Variants in PALM2AKAP2 observed in about 807,000 individuals in gnomAD.
PALM2AKAP2 encodes the protein PALM2 and AKAP2 fusion, also known as PALM2-AKAP2 fusion protein.
A neutral mutation model predicts 71.5 loss-of-function variants in PALM2AKAP2; 37 were observed. The ratio of observed to expected loss-of-function variants is 0.52; its 90% CI spans 0.40 to 0.68. The LOEUF (loss-of-function observed/expected upper bound fraction) is 0.68, where lower values mean the gene tolerates loss of function less well. Ranked by LOEUF, PALM2AKAP2 falls within the 30% of genes least tolerant of loss-of-function variation. The pLI is 0.00. For synonymous variants in PALM2AKAP2, 468 were observed against 478.8 expected (o/e 0.98, Z 0.29); for missense variants, 1,224 against 1,191.8 (o/e 1.03, Z -0.40).
chr9:109,930,462 G>A (rs1831069770), intron 5 of PALM2AKAP2, among the ~76,000 whole-genome samples: 1 of 152,206 alleles, frequency 6.6e-6, no homozygotes, highest in African/African-American at 2.4e-5. Flanking sequence ...CTGACCTCAG[G>A]TGATCCACCC....
chr9:109,954,360 T>A (rs1335542114), intron 6 of PALM2AKAP2, among the ~76,000 whole-genome samples: 2 of 152,080 alleles, frequency 1.3e-5, no homozygotes. Context: ...GACCACATCA[T>A]CTCCCCAGCA....
intron 1 of PALM2AKAP2, among the ~76,000 whole-genome samples, chr9:109,786,202 A>C (rs1472224554): frequency 1.3e-5 from 2 of 152,208 alleles, no homozygotes; most frequent in African/African-American, 2.4e-5. Flanking sequence ...GTGGCCAAGG[A>C]GGCCACCACC....
intron 1 of PALM2AKAP2, among the ~76,000 whole-genome samples, chr9:109,803,905 G>C (rs1587922733): frequency 6.6e-6 from 1 of 152,268 alleles, no homozygotes; most frequent in East Asian, 1.9e-4. Context: ...ATATTCCTTG[G>C]AGCTTGGGAG....
chr9:109,843,140 C>CAAAAAAAAAAAAA (rs60510582), intron 1 of PALM2AKAP2, among the ~76,000 whole-genome samples: 1 of 62,846 alleles, frequency 1.6e-5, no homozygotes, highest in Non-Finnish European at 2.7e-5. Context: ...AACTCGGTCT[C>CAAAAAAAAAAAAA]AAAAAAAAAA....
intron 1 of PALM2AKAP2, among the ~76,000 whole-genome samples, chr9:110,074,658 T>G (rs183982360): frequency 6.6e-6 from 1 of 152,236 alleles, no homozygotes; most frequent in Admixed American, 6.5e-5. Flanking sequence ...CACACGCACA[T>G]ACACATACCA....
intron 6 of PALM2AKAP2, among the ~76,000 whole-genome samples, chr9:109,940,006 A>G (rs1251963559): frequency 6.6e-6 from 1 of 152,250 alleles, no homozygotes; most frequent in Non-Finnish European, 1.5e-5. Flanking sequence ...ATTTTTTCAA[A>G]CAAGTTCAAA....
intron 1 of PALM2AKAP2, among the ~76,000 whole-genome samples, chr9:109,863,437 G>T (rs1021521656): frequency 1.3e-5 from 2 of 152,162 alleles, no homozygotes; most frequent in East Asian, 3.8e-4. Flanking sequence ...AGAGGGTGGG[G>T]GATTGCTTGA....
chr9:109,734,121 T>A (rs1005346136), intron 1 of PALM2AKAP2, among the ~76,000 whole-genome samples: 1 of 152,180 alleles, frequency 6.6e-6, no homozygotes, highest in African/African-American at 2.4e-5. Context: ...CTTGGCAGAG[T>A]CTACAGTCCA....
intron 3 of PALM2AKAP2, among the ~76,000 whole-genome samples, chr9:109,917,738 C>G (rs1830727167): frequency 6.6e-6 from 1 of 152,148 alleles, no homozygotes; most frequent in Non-Finnish European, 1.5e-5. Flanking sequence ...AAGCAATCCT[C>G]CAGCCTCAGT....
chr9:109,989,812 G>A (rs1832442656), intron 6 of PALM2AKAP2, among the ~76,000 whole-genome samples: 1 of 152,154 alleles, frequency 6.6e-6, no homozygotes. Context: ...TGTCATAGAT[G>A]GCTGCCCCCT....
At chr9:110,047,036 A>G (rs1454872454), upstream of PALM2AKAP2, among the ~76,000 whole-genome samples, 2 of 152,242 alleles carry the variant, frequency 1.3e-5, no homozygotes, top group Admixed American at 6.5e-5. Flanking sequence ...GCATCCAAGC[A>G]TTTAATTCCT....
chr9:109,674,949 A>G (rs1827627960), intron 1 of PALM2AKAP2, among the ~76,000 whole-genome samples: 1 of 152,054 alleles, frequency 6.6e-6, no homozygotes, highest in Non-Finnish European at 1.5e-5. Flanking sequence ...TACACATATA[A>G]CCACTCTGTT....
At chr9:109,928,100 T>C (rs1830997300) in intron 5 of PALM2AKAP2, among the ~76,000 whole-genome samples, 1 of 152,132 alleles carries the variant, frequency 6.6e-6, no homozygotes, top group Admixed American at 6.5e-5. Flanking sequence ...TATGTGTTTG[T>C]TTGTTTGTTT....
chr9:110,056,591 C>A (rs1010405076), intron 1 of PALM2AKAP2, among the ~76,000 whole-genome samples: 1 of 152,160 alleles, frequency 6.6e-6, no homozygotes, highest in Non-Finnish European at 1.5e-5. Flanking sequence ...TGCATCAGAA[C>A]ATTTTATACT....
At chr9:109,857,534 T>C (rs1420104075) in intron 1 of PALM2AKAP2, among the ~76,000 whole-genome samples, 1 of 152,210 alleles carries the variant, frequency 6.6e-6, no homozygotes, top group Non-Finnish European at 1.5e-5. Flanking sequence ...CAACAGCTCA[T>C]TTGCCCTGGA....
intron 1 of PALM2AKAP2, among the ~76,000 whole-genome samples, chr9:110,093,110 AAC>A (rs1834753924): frequency 6.6e-6 from 1 of 152,212 alleles, no homozygotes; most frequent in South Asian, 2.1e-4. Context: ...AGATCAAGAA[AAC>A]ACATGTCCTC....
At chr9:110,048,294 A>C (rs1833635755), upstream of PALM2AKAP2, among the ~76,000 whole-genome samples, 1 of 152,074 alleles carries the variant, frequency 6.6e-6, no homozygotes, top group African/African-American at 2.4e-5. Flanking sequence ...ACACTTCCAC[A>C]TACGCTCATG....
At chr9:110,033,680 ATATT>A (rs1455450379) in intron 7 of PALM2AKAP2, among the ~76,000 whole-genome samples, 5 of 152,214 alleles carry the variant, frequency 3.3e-5, no homozygotes, top group African/African-American at 1.2e-4. Flanking sequence ...TAATGAGTAA[ATATT>A]TCTTTTAGAA....
intron 1 of PALM2AKAP2, among the ~76,000 whole-genome samples, chr9:109,842,164 A>G (rs1369275767): frequency 6.6e-6 from 1 of 152,138 alleles, no homozygotes; most frequent in Non-Finnish European, 1.5e-5. Flanking sequence ...TGTTGTGACA[A>G]TTCAGAGCAG....
Sources: gnomAD v4.1 joint callset for allele counts (sites outside exome capture counted in the v4.1 genomes callset) on GRCh38, gnomAD v4.1.1 for gene constraint, MANE v1.5 for transcripts, NCBI Gene and HGNC (gene_info 2026-07-23, HGNC 2026-07-21) for gene names.